GPHN: variants seen among roughly 807,000 people sequenced by gnomAD.
GPHN encodes gephyrin.
A neutral mutation model predicts 95.5 loss-of-function variants in GPHN; 17 were observed. The ratio of observed to expected loss-of-function variants is 0.18; its 90% CI spans 0.12 to 0.27. GPHN has a LOEUF of 0.27. Among genes scored for constraint, GPHN ranks in the 10% least tolerant of loss-of-function variants. The pLI is 1.00. For synonymous variants in GPHN, 320 were observed against 322.5 expected, an observed-to-expected ratio of 0.99 and a Z score of 0.08; for missense variants, 660 against 978.1, an observed-to-expected ratio of 0.67 and a Z score of 4.34.
chr14:67,674,272 G>C, the GPHN span: 1 of 1,108,242 alleles, frequency 9.0e-7, no homozygotes, highest in African/African-American at 1.6e-5. Flanking sequence ...TGAGGACGCG[G>C]AGGGAGGAGA....
intron 4 of GPHN, among the ~76,000 whole-genome samples, chr14:66,830,196 A>AT (rs961163857): frequency 1.3e-4 from 19 of 151,936 alleles, no homozygotes; most frequent in Admixed American, 6.6e-5. Flanking sequence ...CTTTACTCAC[A>AT]TTTTTTTATT....
intron 2 of GPHN, among the ~76,000 whole-genome samples, chr14:66,740,187 G>A (rs2072674270): frequency 6.6e-6 from 1 of 152,026 alleles, no homozygotes; most frequent in Non-Finnish European, 1.5e-5. Context: ...CAAATATATG[G>A]TCAAATATGC....
intron 3 of GPHN, among the ~76,000 whole-genome samples, chr14:66,814,413 G>C (rs1432039522): frequency 1.3e-5 from 2 of 152,138 alleles, no homozygotes; most frequent in African/African-American, 2.4e-5. Flanking sequence ...CCCTGCATCT[G>C]TTAGCACTCT....
chr14:67,470,588 G>A, the GPHN span: 6 of 152,964 alleles, frequency 3.9e-5, no homozygotes, highest in South Asian at 2.1e-4. Context: ...AGGTTCTCAT[G>A]AACTGACCCA....
the GPHN span, chr14:67,241,117 C>T: frequency 5.3e-5 from 8 of 152,362 alleles, no homozygotes; most frequent in Non-Finnish European, 8.8e-5. Context: ...GCGTTTTAGA[C>T]TTAGAGGCGC....
At chr14:67,710,249 C>T in the GPHN span, among the ~76,000 whole-genome samples, 1 of 152,172 alleles carries the variant, frequency 6.6e-6, no homozygotes, top group African/African-American at 2.4e-5. Flanking sequence ...GCAAAATAAA[C>T]TTTCTAAATT....
the GPHN span, among the ~76,000 whole-genome samples, chr14:67,456,215 A>C: frequency 6.6e-6 from 1 of 152,230 alleles, no homozygotes; most frequent in African/African-American, 2.4e-5. Context: ...TATATGAGAA[A>C]ATGCTCAACA....
At chr14:66,656,081 G>A (rs954415547) in intron 1 of GPHN, among the ~76,000 whole-genome samples, 9 of 151,928 alleles carry the variant, frequency 5.9e-5, no homozygotes, top group Non-Finnish European at 1.3e-4. Context: ...TACTGTCTTT[G>A]TTTGCTTTTT....
At chr14:67,198,743 A>G in the GPHN span, among the ~76,000 whole-genome samples, 1 of 152,170 alleles carries the variant, frequency 6.6e-6, no homozygotes, top group Non-Finnish European at 1.5e-5. Context: ...TCGGGGAGAA[A>G]AGCTCCCTTC....
At chr14:67,653,760 G>A in the GPHN span, among the ~76,000 whole-genome samples, 11 of 152,316 alleles carry the variant, frequency 7.2e-5, no homozygotes, top group East Asian at 1.2e-3. Flanking sequence ...ATCTTCTACC[G>A]TGGCTACTCC....
At chr14:67,460,381 A>C in the GPHN span, among the ~76,000 whole-genome samples, 1 of 152,150 alleles carries the variant, frequency 6.6e-6, no homozygotes, top group Non-Finnish European at 1.5e-5. Context: ...TGTCTTGCCT[A>C]TCTTGCCAGG....
In GPHN at chr14:66,930,089, C is replaced by T. The variant is rs1236040153; in HGVS notation, c.828+5797C>T. Among the ~76,000 whole-genome samples, 4 of 152,120 alleles carry T rather than the reference C, an allele frequency of 2.6e-5. No individual in the cohort carries two copies. In the East Asian group the frequency reaches 7.7e-4, roughly 29 times the overall value. ...AGGTCTTGTTTTCTAATCCATTCAG[C>T]CATTCTGTGTCTTTTGATTGGAGAG... On this transcript the variant is annotated intron_variant, in intron 8 of 22. Coordinates refer to ENST00000478722, the MANE Select transcript of GPHN (RefSeq NM_020806.5).
At chr14:67,489,786 C>T in the GPHN span, among the ~76,000 whole-genome samples, 61 of 152,236 alleles carry the variant, frequency 4.0e-4, no homozygotes, top group African/African-American at 1.2e-3. Flanking sequence ...GTCAGGAGAT[C>T]GAGACCATCC....
At chr14:67,685,348 A>C in the GPHN span, 9 of 623,556 alleles carry the variant, frequency 1.4e-5, no homozygotes, top group Non-Finnish European at 2.5e-5. Context: ...TGCTCACAGT[A>C]ATTTATACTT....
the GPHN span, among the ~76,000 whole-genome samples, chr14:67,319,675 A>T: frequency 6.6e-6 from 1 of 151,828 alleles, no homozygotes; most frequent in African/African-American, 2.4e-5. Flanking sequence ...ACAAATTCGC[A>T]TTGGGCCCCA....
the GPHN span, among the ~76,000 whole-genome samples, chr14:67,671,797 T>C: frequency 6.6e-6 from 1 of 152,170 alleles, no homozygotes; most frequent in Non-Finnish European, 1.5e-5. Flanking sequence ...TGGCAGAAGA[T>C]GGAAGGGCAA....
chr14:67,155,035 C>T (rs1173985633), intron 18 of GPHN, among the ~76,000 whole-genome samples: 1 of 151,988 alleles, frequency 6.6e-6, no homozygotes, highest in Non-Finnish European at 1.5e-5. Context: ...GCTATTAATA[C>T]TACAGGAGGC....
At chr14:66,607,739 T>G (rs1228031166) in intron 1 of GPHN, among the ~76,000 whole-genome samples, 1 of 152,010 alleles carries the variant, frequency 6.6e-6, no homozygotes, top group Non-Finnish European at 1.5e-5. Flanking sequence ...GGAGGTTGTG[T>G]GTTCCCATAA....
chr14:67,646,839 C>G, the GPHN span: 2 of 1,386,280 alleles, frequency 1.4e-6, no homozygotes, highest in Non-Finnish European at 2.0e-6. Context: ...GTCACTACAA[C>G]AAACCCACCC....
Sources: allele counts gnomAD v4.1 joint callset (sites outside exome capture counted in the v4.1 genomes callset), GRCh38; gene constraint gnomAD v4.1.1; transcripts MANE v1.5; gene names NCBI Gene and HGNC (gene_info 2026-07-23, HGNC 2026-07-21).